The following HACE1 variants were observed in gnomAD, a reference collection of about 807,000 sequenced individuals.
HACE1 encodes HECT domain and ankyrin repeat containing E3 ubiquitin protein ligase 1.
Under a neutral mutation model 118.4 loss-of-function variants are expected in HACE1, and 73 were observed. The observed-to-expected ratio is 0.62, with a 90% CI of 0.51 to 0.75. HACE1 has a LOEUF of 0.75. Ranked by LOEUF, HACE1 falls within the 30% of genes least tolerant of loss-of-function variation. The pLI is 0.00. For missense variants in HACE1, 749 were observed against 1,102.2 expected (o/e 0.68, Z 4.54); for synonymous variants, 368 against 374.8 (o/e 0.98, Z 0.21).
rs149004742 is a variant in HACE1 at position 104,830,502 on chromosome 6, T to C, written c.534+2540A>G. On this transcript the variant is annotated intron_variant, in intron 6 of 23. Transcript: ENST00000262903. ...ATATTAAACATAAGACAATGTCACC[T>C]TTGCCTACTATCTTGAAGAAGTCCA... 7.2e-5 allele frequency among the ~76,000 whole-genome samples: 11 copies of C among 152,300 alleles called. 1 individual carries two copies. The East Asian group carries it at 2.1e-3, about 29-fold the overall frequency.
At chr6:104,785,573 A>G (rs1396355394) in intron 11 of HACE1, 1 of 394,640 alleles carries the variant, frequency 2.5e-6, no homozygotes, top group African/African-American at 2.0e-5. Flanking sequence ...AAAAGGAAAA[A>G]CTAAATCTAA....
At chr6:104,801,021 A>T (rs1770274828) in intron 7 of HACE1, among the ~76,000 whole-genome samples, 2 of 152,314 alleles carry the variant, frequency 1.3e-5, no homozygotes, top group South Asian at 4.1e-4. Context: ...GAAGATCTTA[A>T]ATGACCTGAT....
At chr6:104,730,514 C>G in intron 22 of HACE1, 98 bp from the exon 23 acceptor site, 2 of 718,556 alleles carry the variant, frequency 2.8e-6, no homozygotes, top group South Asian at 1.5e-5. Context: ...ATATCCAACT[C>G]TAGGACAATG....
intron 19 of HACE1, among the ~76,000 whole-genome samples, chr6:104,768,388 C>T (rs1488408582): frequency 6.6e-6 from 1 of 151,550 alleles, no homozygotes; most frequent in Non-Finnish European, 1.5e-5. Context: ...AAGAACAAAC[C>T]AAAAATCAAT....
chr6:104,856,658 C>T (rs1337939414), intron 1 of HACE1, among the ~76,000 whole-genome samples: 1 of 152,166 alleles, frequency 6.6e-6, no homozygotes, highest in Non-Finnish European at 1.5e-5. Flanking sequence ...TGGTCTCACA[C>T]TCCTGACCTC....
chr6:104,845,611 G>A (rs572200232), intron 4 of HACE1, among the ~76,000 whole-genome samples: 2 of 151,614 alleles, frequency 1.3e-5, no homozygotes, highest in South Asian at 4.2e-4. Context: ...CTGAGTAGCT[G>A]GGACTACAGG....
At chr6:104,745,372 T>C (rs969824065) in intron 20 of HACE1, among the ~76,000 whole-genome samples, 1 of 151,930 alleles carries the variant, frequency 6.6e-6, no homozygotes, top group Admixed American at 6.6e-5. Context: ...AGTCCATATA[T>C]CACAGTTAGA....
chr6:104,803,579 C>G (rs962197005), intron 7 of HACE1, among the ~76,000 whole-genome samples: 3 of 152,056 alleles, frequency 2.0e-5, no homozygotes, highest in African/African-American at 7.2e-5. Context: ...TCAATAAACG[C>G]AATCCATCAC....
At chr6:104,764,546 A>C (rs1246471567) in intron 19 of HACE1, among the ~76,000 whole-genome samples, 1 of 152,194 alleles carries the variant, frequency 6.6e-6, no homozygotes, top group African/African-American at 2.4e-5. Flanking sequence ...TTGATTTTAT[A>C]AACTAACATG....
chr6:104,763,621 T>C (rs1393704699), intron 19 of HACE1, among the ~76,000 whole-genome samples: 1 of 151,788 alleles, frequency 6.6e-6, no homozygotes, highest in East Asian at 1.9e-4. Context: ...ATACCATTAA[T>C]ACAGTGAAAA....
chr6:104,839,658 T>C (rs182592105), intron 5 of HACE1, among the ~76,000 whole-genome samples: 134 of 152,096 alleles, frequency 8.8e-4, no homozygotes, highest in African/African-American at 3.0e-3. Flanking sequence ...CCTACACAAG[T>C]AATAAAAATG....
At chr6:104,838,861 A>G (rs1034568808) in intron 5 of HACE1, among the ~76,000 whole-genome samples, 10 of 148,218 alleles carry the variant, frequency 6.7e-5, no homozygotes, top group Non-Finnish European at 1.5e-4. Flanking sequence ...AATAACCAGA[A>G]TATATAAGGA....
At chr6:104,839,546 A>C (rs1418178181) in intron 5 of HACE1, among the ~76,000 whole-genome samples, 1 of 152,200 alleles carries the variant, frequency 6.6e-6, no homozygotes, top group Non-Finnish European at 1.5e-5. Flanking sequence ...ATGGTTATAA[A>C]AGGGCAACAT....
chr6:104,750,645 C>A (rs1486200546), intron 19 of HACE1, among the ~76,000 whole-genome samples, 173 bp from the exon 20 acceptor site: 3 of 152,118 alleles, frequency 2.0e-5, no homozygotes, highest in Non-Finnish European at 2.9e-5. Context: ...GGAAAAAATT[C>A]CAGGGACTCA....
chr6:104,746,504 C>T (rs1210487948), intron 20 of HACE1, among the ~76,000 whole-genome samples: 2 of 152,180 alleles, frequency 1.3e-5, no homozygotes, highest in Non-Finnish European at 2.9e-5. Flanking sequence ...TCTGCTCCCC[C>T]ACTGCTTCAG....
intron 22 of HACE1, among the ~76,000 whole-genome samples, chr6:104,741,745 T>C (rs943895278): frequency 6.7e-6 from 1 of 149,050 alleles, no homozygotes; most frequent in Non-Finnish European, 1.5e-5. Context: ...CCAAGGTAAT[T>C]TACAGATTCA....
chr6:104,771,043 T>G, intron 19 of HACE1, 150 bp downstream of exon 19: 1 of 632,348 alleles, frequency 1.6e-6, no homozygotes, highest in Non-Finnish European at 2.8e-6. Flanking sequence ...AAATTTAACA[T>G]TTGATTGTTT....
chr6:104,858,966 A>G (rs146485248), intron 1 of HACE1, among the ~76,000 whole-genome samples: 1 of 152,278 alleles, frequency 6.6e-6, no homozygotes, highest in East Asian at 1.9e-4. Context: ...TAGCCCACTC[A>G]ATACTAGTCT....
At chr6:104,833,508 G>A (rs1047739938) in intron 5 of HACE1, among the ~76,000 whole-genome samples, 3 of 152,028 alleles carry the variant, frequency 2.0e-5, no homozygotes, top group South Asian at 2.1e-4. Context: ...GGAAAACTTC[G>A]GTATCAAGAT....
Sources: allele counts gnomAD v4.1 joint callset (sites outside exome capture counted in the v4.1 genomes callset), GRCh38; gene constraint gnomAD v4.1.1; transcripts MANE v1.5; gene names NCBI Gene and HGNC (gene_info 2026-07-23, HGNC 2026-07-21).